Variants in CSMD3 observed in about 807,000 individuals in gnomAD.
The protein encoded by CSMD3 is CUB and Sushi multiple domains 3.
A neutral mutation model predicts 435.2 loss-of-function variants in CSMD3; 177 were observed. The ratio of observed to expected loss-of-function variants is 0.41; its 90% CI spans 0.36 to 0.46. CSMD3 has a LOEUF of 0.46. Ranked by LOEUF, CSMD3 falls within the 20% of genes least tolerant of loss-of-function variation. The probability of loss-of-function intolerance (pLI) is 0.34; values close to 1 mark genes in which losing one functional copy is unlikely to be tolerated. For missense variants in CSMD3, 4,265 were observed against 4,504.6 expected, an observed-to-expected ratio of 0.95 and a Z score of 1.52; for synonymous variants, 1,656 against 1,520.5, an observed-to-expected ratio of 1.09 and a Z score of -2.07.
intron 4 of CSMD3, among the ~76,000 whole-genome samples, chr8:113,119,964 T>TTAAG (rs148845984): frequency 2.6e-5 from 4 of 151,086 alleles, no homozygotes; most frequent in African/African-American, 7.3e-5. Flanking sequence ...TTCAAATTTA[T>TTAAG]TTATTTAATA....
At chr8:113,020,095 G>A (rs1431280419) in intron 5 of CSMD3, among the ~76,000 whole-genome samples, 1 of 149,044 alleles carries the variant, frequency 6.7e-6, no homozygotes, top group Non-Finnish European at 1.5e-5. Context: ...CCCGGGAAGC[G>A]GAGCTTGCAG....
In CSMD3 at chr8:112,887,115, G is replaced by T. The variant is rs367790276; in HGVS notation, c.1634-27849C>A. 1.3e-4 allele frequency among the ~76,000 whole-genome samples: 20 copies of T among 150,784 alleles called. No homozygotes were observed. The South Asian group carries it at 4.0e-3, about 30-fold the overall frequency. ...AGGTAAAATAGCACTTCATAGGTTT[G>T]TTGAGATCAAATTAATTTATACAGT... On this transcript the variant is annotated intron_variant, in intron 10 of 70. Transcript: ENST00000297405.
At chr8:112,890,933 T>C (rs1460356610) in intron 10 of CSMD3, among the ~76,000 whole-genome samples, 2 of 151,680 alleles carry the variant, frequency 1.3e-5, no homozygotes, top group Non-Finnish European at 3.0e-5. Context: ...CTTATTCATA[T>C]AATTAAGAAT....
intron 32 of CSMD3, among the ~76,000 whole-genome samples, chr8:112,438,321 T>A (rs557959219): frequency 4.2e-4 from 64 of 152,290 alleles, no homozygotes; most frequent in African/African-American, 1.2e-3. Context: ...TGATTTCTGG[T>A]TATAAACTCT....
chr8:112,858,993 T>C, intron 11 of CSMD3, 152 bp downstream of exon 11: 2 of 633,804 alleles, frequency 3.2e-6, no homozygotes, highest in Non-Finnish European at 5.4e-6. Flanking sequence ...ATTTCTCATA[T>C]AAATCTGGTT....
chr8:112,903,303 A>T (rs2082159520), intron 10 of CSMD3, among the ~76,000 whole-genome samples: 1 of 151,294 alleles, frequency 6.6e-6, no homozygotes, highest in Non-Finnish European at 1.5e-5. Flanking sequence ...GAGATTCCTG[A>T]GACCCTTTAT....
chr8:112,756,476 T>A lies in CSMD3; in HGVS notation c.1972+43686A>T, dbSNP rs569592385. Among the ~76,000 whole-genome samples the A allele has an allele frequency of 3.3e-5, 5 of 152,312 alleles. No individual in the cohort carries two copies. In the South Asian group the frequency reaches 1.0e-3, roughly 32 times the overall value. ...AAACAGGGAGGCATTCTCTCTCAAGTTACTTGATATATGAGCCCTTTCACT... is the reference window on the plus strand; with the variant it reads ...AAACAGGGAGGCATTCTCTCTCAAGATACTTGATATATGAGCCCTTTCACT... On this transcript the variant is annotated intron_variant, in intron 13 of 70. Transcript: ENST00000297405.
intron 1 of CSMD3, among the ~76,000 whole-genome samples, chr8:113,416,592 T>A (rs1672363990): frequency 6.6e-6 from 1 of 152,066 alleles, no homozygotes; most frequent in Non-Finnish European, 1.5e-5. Context: ...ATCTTAACAT[T>A]CCCAGTGCTC....
intron 5 of CSMD3, among the ~76,000 whole-genome samples, chr8:113,084,114 C>T (rs753476584): frequency 1.3e-5 from 2 of 151,982 alleles, no homozygotes; most frequent in African/African-American, 2.4e-5. Flanking sequence ...TGAAGGAATT[C>T]GCCAAGGAAA....
At chr8:113,382,137 T>C (rs1240564554) in intron 1 of CSMD3, among the ~76,000 whole-genome samples, 2 of 152,162 alleles carry the variant, frequency 1.3e-5, no homozygotes, top group East Asian at 1.9e-4. Context: ...TGGAATTGTT[T>C]TTACAAAATT....
intron 24 of CSMD3, among the ~76,000 whole-genome samples, chr8:112,571,234 C>A (rs551454091): frequency 6.6e-6 from 1 of 152,010 alleles, no homozygotes; most frequent in South Asian, 2.1e-4. Flanking sequence ...CTCAGACTCC[C>A]GACCTCAGGT....
chr8:113,356,651 CA>C (rs1248955429), intron 1 of CSMD3, among the ~76,000 whole-genome samples: 1 of 151,800 alleles, frequency 6.6e-6, no homozygotes, highest in Non-Finnish European at 1.5e-5. Flanking sequence ...CAACAAATGT[CA>C]AAAAAATAGA....
chr8:112,246,251 A>C (rs1166752425), intron 64 of CSMD3, among the ~76,000 whole-genome samples: 1 of 152,188 alleles, frequency 6.6e-6, no homozygotes, highest in African/African-American at 2.4e-5. Context: ...CTGAACAGGG[A>C]TAGAGTAAAT....
intron 3 of CSMD3, among the ~76,000 whole-genome samples, chr8:113,214,810 C>G (rs1232789785): frequency 6.6e-6 from 1 of 151,488 alleles, no homozygotes; most frequent in Non-Finnish European, 1.5e-5. Flanking sequence ...GTTATTCAAC[C>G]AAAATTATAA....
intron 11 of CSMD3, among the ~76,000 whole-genome samples, chr8:112,834,825 A>T (rs919227063): frequency 6.6e-6 from 1 of 151,892 alleles, no homozygotes; most frequent in Non-Finnish European, 1.5e-5. Flanking sequence ...TGTAAAAAGA[A>T]TGCCATACAT....
chr8:113,232,561 C>CT (rs1330407089), intron 3 of CSMD3, among the ~76,000 whole-genome samples: 1 of 151,816 alleles, frequency 6.6e-6, no homozygotes, highest in East Asian at 1.9e-4. Context: ...TAGCAAGTGT[C>CT]AAGACAGACT....
intron 11 of CSMD3, among the ~76,000 whole-genome samples, chr8:112,831,928 T>C (rs2079887145): frequency 6.6e-6 from 1 of 152,176 alleles, no homozygotes; most frequent in Non-Finnish European, 1.5e-5. Context: ...TCTGGCTCAC[T>C]AGTTGAGATC....
chr8:113,065,886 T>C (rs1017964391), intron 5 of CSMD3, among the ~76,000 whole-genome samples: 1 of 152,096 alleles, frequency 6.6e-6, no homozygotes, highest in Non-Finnish European at 1.5e-5. Flanking sequence ...TGGTATCTTT[T>C]AATGAAGGTG....
chr8:112,339,519 T>G (rs1029205187), intron 42 of CSMD3, among the ~76,000 whole-genome samples: 1 of 152,146 alleles, frequency 6.6e-6, no homozygotes, highest in African/African-American at 2.4e-5. Flanking sequence ...GCTTTCGTTC[T>G]TTTGTTGCTT....
Sources: allele counts gnomAD v4.1 joint callset (sites outside exome capture counted in the v4.1 genomes callset), GRCh38; gene constraint gnomAD v4.1.1; transcripts MANE v1.5; gene names NCBI Gene and HGNC (gene_info 2026-07-23, HGNC 2026-07-21).